The following WFDC2 variants were observed in gnomAD, a reference collection of about 807,000 sequenced individuals.
The protein encoded by WFDC2 is WAP four-disulfide core domain protein 2.
A neutral mutation model predicts 12.5 loss-of-function variants in WFDC2; 8 were observed. The observed-to-expected ratio is 0.64, with a 90% CI of 0.37 to 1.15. The LOEUF is 1.15. Ranked by LOEUF, WFDC2 falls within the 50% of genes most tolerant of loss-of-function variation. WFDC2 has a pLI of 0.01. For missense variants in WFDC2, 166 were observed against 159.9 expected, an observed-to-expected ratio of 1.04 and a Z score of -0.21; for synonymous variants, 74 against 67.2, an observed-to-expected ratio of 1.10 and a Z score of -0.49.
Position 45,470,730 on chromosome 20 carries a change from A to G in WFDC2, c.223+198A>G, listed in dbSNP as rs1233572121. On this transcript the variant is annotated intron_variant, in intron 2 of 3. Coordinates refer to ENST00000372676, the MANE Select transcript of WFDC2 (RefSeq NM_006103.4). This position sits in a 1 kb window ranked among gnomAD's most constrained non-coding sequence, Gnocchi z 5.4. The stretch of plus-strand genomic sequence containing the variant: ...ACAAAGGCGTCGTTGAAACGCAGCC[A>G]AGGGGGGGTCCCCACCCCTAGCTGG... Among the ~76,000 whole-genome samples the G allele has an allele frequency of 6.6e-6, 1 of 152,110 alleles. No homozygotes were observed.
intron 2 of WFDC2, among the ~76,000 whole-genome samples, chr20:45,477,963 G>C (rs1376836982): frequency 6.6e-6 from 1 of 152,194 alleles, no homozygotes; most frequent in Non-Finnish European, 1.5e-5. Flanking sequence ...TACTCTGTGA[G>C]GGGAAAACTG....
chr20:45,472,457 G>C (rs759122443), intron 2 of WFDC2, among the ~76,000 whole-genome samples: 5 of 152,182 alleles, frequency 3.3e-5, no homozygotes, highest in Non-Finnish European at 7.3e-5. Flanking sequence ...CTCATCATTT[G>C]TTATGGCTGC....
In WFDC2 at chr20:45,479,951, G is replaced by T; in HGVS notation, c.233G>T (p.Gly78Val). Residue 78 changes from glycine to valine, a missense_variant, in exon 3 of 4, where the codon GGT becomes GTT. Transcript: ENST00000372676. ...TFCSLPNDKEGSCPQVNINFP... is the reference protein window; with the variant it reads ...TFCSLPNDKEVSCPQVNINFP... ...TCCTTTTTCTACCCAGATAAGGAGG[G>T]TTCCTGCCCCCAGGTGAACATTAAC... The T allele has an allele frequency of 6.2e-7, 1 of 1,614,232 alleles. No homozygotes were observed.
Position 45,470,578 on chromosome 20 carries a change from G to A in WFDC2, c.223+46G>A, listed in dbSNP as rs1377615877. The A allele has an allele frequency of 6.6e-7, 1 of 1,524,880 alleles. No individual in the cohort carries two copies. 94.5% of individuals were successfully genotyped at this position (1,524,880 alleles called of 1,614,324 possible). Reference sequence around the variant, plus strand: ...CGGGAACGGGGCGGGGCCGCGCTGGGCTGGGAGGAGGTGGGAGGGCCCGGG... The same window carrying A: ...CGGGAACGGGGCGGGGCCGCGCTGGACTGGGAGGAGGTGGGAGGGCCCGGG... On this transcript the variant is annotated intron_variant, in intron 2 of 3. Coordinates refer to ENST00000372676, the MANE Select transcript of WFDC2 (RefSeq NM_006103.4). The surrounding 1 kb of genome is among the most constrained non-coding windows in gnomAD (Gnocchi z 5.4).
At chr20:45,472,058 T>C (rs1991179213) in intron 2 of WFDC2, among the ~76,000 whole-genome samples, 1 of 152,210 alleles carries the variant, frequency 6.6e-6, no homozygotes, top group South Asian at 2.1e-4. Flanking sequence ...AGGTTCCTAC[T>C]CCTTTCAAGA....
chr20:45,470,738 G>A lies in WFDC2; in HGVS notation c.223+206G>A, dbSNP rs964818363. 2.6e-4 allele frequency among the ~76,000 whole-genome samples: 39 copies of A among 152,156 alleles called. No homozygotes were observed. The highest frequency in any genetic ancestry group is 5.0e-4 in the Non-Finnish European group (34 of 67,998). The stretch of plus-strand genomic sequence containing the variant: ...GTCGTTGAAACGCAGCCAAGGGGGG[G>A]TCCCCACCCCTAGCTGGGATTCGAG... On this transcript the variant is annotated intron_variant, in intron 2 of 3. Coordinates refer to ENST00000372676, the MANE Select transcript of WFDC2 (RefSeq NM_006103.4). The surrounding 1 kb of genome is among the most constrained non-coding windows in gnomAD (Gnocchi z 5.4).
At chr20:45,473,853 T>C (rs925247771) in intron 2 of WFDC2, among the ~76,000 whole-genome samples, 1 of 152,232 alleles carries the variant, frequency 6.6e-6, no homozygotes, top group African/African-American at 2.4e-5. Flanking sequence ...TCCTCTCTTA[T>C]TTCGTTGAGC....
chr20:45,481,186 G>A (rs1032247211), intron 3 of WFDC2, among the ~76,000 whole-genome samples, 185 bp from the exon 4 acceptor site: 3 of 152,084 alleles, frequency 2.0e-5, no homozygotes, highest in Non-Finnish European at 2.9e-5. Flanking sequence ...ATGGTCTGAA[G>A]GAGAAGAGTA....
At chr20:45,480,225 C>T in intron 3 of WFDC2, 131 bp downstream of exon 3, 1 of 1,299,326 alleles carries the variant, frequency 7.7e-7, no homozygotes, top group Non-Finnish European at 1.0e-6. Context: ...AGTGGGGTGA[C>T]CCTCAGCCTG....
chr20:45,474,075 T>G (rs1422596424), intron 2 of WFDC2, among the ~76,000 whole-genome samples: 2 of 152,228 alleles, frequency 1.3e-5, no homozygotes, highest in African/African-American at 2.4e-5. Context: ...AAGGAGATTT[T>G]GGGCTGAGAT....
intron 1 of WFDC2, 22 bp downstream of exon 1, chr20:45,469,882 C>T: frequency 6.3e-7 from 1 of 1,587,976 alleles, no homozygotes; most frequent in Non-Finnish European, 8.6e-7. Flanking sequence ...GGGGAGAGGC[C>T]CGGCGCCTAG....
chr20:45,469,917 A>C, intron 1 of WFDC2, 57 bp downstream of exon 1: 1 of 1,560,942 alleles, frequency 6.4e-7, no homozygotes, highest in East Asian at 2.3e-5. Context: ...GAGCGCCAGG[A>C]TGGAGCCAGG....
In WFDC2 at chr20:45,469,796, C is replaced by T. The variant is rs759837646; in HGVS notation, c.15C>T (p.Arg5=). 1.1e-5 allele frequency: 18 copies of T among 1,609,920 alleles called. No homozygotes were observed. In the South Asian group the frequency reaches 2.0e-4, roughly 18 times the overall value. MPAC[R]LGPLAAALLL... ...GGCATAGCACCATGCCTGCTTGTCG[C>T]CTAGGCCCGCTAGCCGCCGCCCTCC... The change falls in exon 1 of 4, where the codon CGC becomes CGT. Residue 5 remains arginine, a synonymous_variant. Coordinates refer to ENST00000372676, the MANE Select transcript of WFDC2 (RefSeq NM_006103.4).
At chr20:45,479,718 C>T in intron 2 of WFDC2, 2 of 1,614,050 alleles carry the variant, frequency 1.2e-6, no homozygotes, top group Non-Finnish European at 1.7e-6. Context: ...CCACTTGGGA[C>T]TCAAGCTGAG....
chr20:45,469,816 C>T lies in WFDC2; in HGVS notation c.35C>T (p.Ala12Val), dbSNP rs11545050. The T allele has an allele frequency of 6.2e-7, 1 of 1,611,080 alleles. No individual in the cohort carries two copies. Among genetic ancestry groups the T allele is most frequent in the Admixed American group, 1.7e-5 (1 of 59,776 alleles). ...TGTCGCCTAGGCCCGCTAGCCGCCG[C>T]CCTCCTCCTCAGCCTGCTGCTGTTC... ...PACRLGPLAA[A>V]LLLSLLLFGF... The change falls in exon 1 of 4, where the codon GCC (alanine) becomes GTC (valine). Residue 12 changes from alanine to valine, a missense_variant. Physicochemically the swap from Ala to Val is moderately conservative, Grantham distance 64. Transcript: ENST00000372676.
chr20:45,480,776 G>GGGT (rs1471251105), intron 3 of WFDC2, among the ~76,000 whole-genome samples: 8 of 152,124 alleles, frequency 5.3e-5, no homozygotes, highest in African/African-American at 1.9e-4. Context: ...TCTAGAGAGG[G>GGGT]GGTGTGCTCT....
Position 45,470,426 on chromosome 20 carries a change from C to G in WFDC2, c.117C>G (p.Leu39=). The change falls in exon 2 of 4, where the codon CTC becomes CTG. Residue 39 remains leucine (L), a synonymous_variant. Transcript: ENST00000372676. This position sits in a 1 kb window ranked among gnomAD's most constrained non-coding sequence, Gnocchi z 5.4. The stretch of plus-strand genomic sequence containing the variant: ...AGAAGACTGGCGTGTGCCCCGAGCT[C>G]CAGGCTGACCAGAACTGCACGCAAG... The part of the protein sequence containing the change: ...GAEKTGVCPE[L]QADQNCTQEC... The G allele has an allele frequency of 2.5e-6, 4 of 1,592,338 alleles. No homozygotes were observed. In the South Asian group the frequency reaches 3.4e-5, roughly 14 times the overall value.
At chr20:45,471,460 C>A in intron 2 of WFDC2, 1 of 189,132 alleles carries the variant, frequency 5.3e-6, no homozygotes. Context: ...GCCCCTGTGA[C>A]TTTTCCTCTC....
rs563805008 is a variant in WFDC2 at position 45,478,029 on chromosome 20, C to T, written c.224-1913C>T. Reference sequence around the variant, plus strand: ...CCTCCCCCTACCAAGCTTGAGAGTTCCAGGTCAACTTCAGACTGCTGTGCT... The same window carrying T: ...CCTCCCCCTACCAAGCTTGAGAGTTTCAGGTCAACTTCAGACTGCTGTGCT... On this transcript the variant is annotated intron_variant, in intron 2 of 3. Coordinates refer to ENST00000372676, the MANE Select transcript of WFDC2 (RefSeq NM_006103.4). Among the ~76,000 whole-genome samples the T allele has an allele frequency of 1.4e-4, 22 of 152,320 alleles. No homozygotes were observed. In the South Asian group the frequency reaches 4.6e-3, roughly 32 times the overall value.
Sources: allele counts gnomAD v4.1 joint callset (sites outside exome capture counted in the v4.1 genomes callset), GRCh38; gene constraint gnomAD v4.1.1; non-coding constraint Gnocchi (gnomAD v3.1); transcripts MANE v1.5; gene names NCBI Gene and HGNC (gene_info 2026-07-23, HGNC 2026-07-21).